The following CD163L1 variants were observed in gnomAD, a reference collection of about 807,000 sequenced individuals.
CD163L1 encodes scavenger receptor cysteine-rich type 1 protein M160.
A neutral mutation model predicts 165.4 loss-of-function variants in CD163L1; 124 were observed. The ratio of observed to expected loss-of-function variants is 0.75; its 90% confidence interval spans 0.65 to 0.87. CD163L1 has a LOEUF of 0.87. Ranked by LOEUF, CD163L1 falls within the 40% of genes least tolerant of loss-of-function variation. The probability of loss-of-function intolerance (pLI) is 0.00; values close to 1 mark genes in which losing one functional copy is unlikely to be tolerated. For synonymous variants in CD163L1, 585 were observed against 662.2 expected (o/e 0.88, Z 1.79); for missense variants, 1,525 against 1,799.9 (o/e 0.85, Z 2.76).
Position 7,369,745 on chromosome 12 carries a change from A to C in CD163L1, c.3731-80T>G. The stretch of plus-strand genomic sequence containing the variant: ...TGCTGAGGTAGAAAAACTTGAAAGT[A>C]GCAAATGTGCTTGATGAATATGGGT... On this transcript the variant is annotated intron_variant, in intron 14 of 19. Coordinates refer to ENST00000313599, the MANE Select transcript of CD163L1 (RefSeq NM_174941.6). This position sits in a 1 kb window ranked among gnomAD's most constrained non-coding sequence, Gnocchi z 4.9. 7.8e-7 allele frequency: 1 copy of C among 1,279,820 alleles called. No individual in the cohort carries two copies. Among genetic ancestry groups the C allele is most frequent in the Non-Finnish European group, 1.1e-6 (1 of 906,346 alleles). The allele number at this position is 1,279,820 out of a possible 1,614,324, so 79.3% of individuals were successfully genotyped here. A position where few individuals can be genotyped will look rare whatever the true frequency, so the allele number is the denominator to read the frequency against.
At chr12:7,360,244 G>T (rs1243286754) in intron 18 of CD163L1, among the ~76,000 whole-genome samples, 9 of 151,964 alleles carry the variant, frequency 5.9e-5, no homozygotes, top group African/African-American at 1.9e-4. Context: ...CCAAGTTCAA[G>T]CAATTCTCCT....
chr12:7,381,855 A>C (rs1053232311), intron 8 of CD163L1, among the ~76,000 whole-genome samples: 12 of 151,920 alleles, frequency 7.9e-5, no homozygotes, highest in Non-Finnish European at 1.5e-5. Context: ...TTGTAGCAAC[A>C]TATTCCACTC....
At chr12:7,407,784 CACACACACACACACACACACACAG>C (rs1269742770) in intron 4 of CD163L1, among the ~76,000 whole-genome samples, 3 of 116,084 alleles carry the variant, frequency 2.6e-5, no homozygotes, top group Non-Finnish European at 5.8e-5. Context: ...CACATCCATA[CACACACACACACACACACACACAG>C]ACACACACAC....
rs775061295 is a variant in CD163L1 at position 7,369,816 on chromosome 12, A to G, written c.3731-151T>C. 15 of 679,898 alleles carry G rather than the reference A, an allele frequency of 2.2e-5. No homozygotes were observed. Among genetic ancestry groups the G allele is most frequent in the African/African-American group, 7.2e-5 (4 of 55,598 alleles). The allele number at this position is 679,898 out of a possible 1,614,324, so 42.1% of individuals were successfully genotyped here. On this transcript the variant is annotated intron_variant, in intron 14 of 19. Coordinates refer to ENST00000313599, the MANE Select transcript of CD163L1 (RefSeq NM_174941.6). This position sits in a 1 kb window ranked among gnomAD's most constrained non-coding sequence, Gnocchi z 4.9. Reference sequence around the variant, plus strand: ...TCAATGTTACATAGATTAGACAAGAACCTGTGAAGTGAATAAACCCCTATA... The same window carrying G: ...TCAATGTTACATAGATTAGACAAGAGCCTGTGAAGTGAATAAACCCCTATA...
rs1947073691 is a variant in CD163L1 at position 7,368,685 on chromosome 12, C to T, written c.4072+248G>A. On this transcript the variant is annotated intron_variant, in intron 16 of 19. Coordinates refer to ENST00000313599, the MANE Select transcript of CD163L1 (RefSeq NM_174941.6). The surrounding 1 kb of genome is among the most constrained non-coding windows in gnomAD (Gnocchi z 4.3). ...AGTCTCATAAAGAATATTTGAGAATCTAGAAAGATTATCTATGAGGGTACC... is the reference window on the plus strand; with the variant it reads ...AGTCTCATAAAGAATATTTGAGAATTTAGAAAGATTATCTATGAGGGTACC... 6.6e-6 allele frequency among the ~76,000 whole-genome samples: 1 copy of T among 151,906 alleles called. No individual in the cohort carries two copies. The highest frequency in any genetic ancestry group is 1.5e-5 in the Non-Finnish European group (1 of 68,002).
chr12:7,439,997 C>T (rs2136653015), intron 2 of CD163L1: 2 of 1,528,394 alleles, frequency 1.3e-6, no homozygotes, highest in South Asian at 1.2e-5. Context: ...ATCCTAGCAG[C>T]TCCGCAAACC....
At chr12:7,332,727 A>G in the CD163L1 span, among the ~76,000 whole-genome samples, 1 of 152,220 alleles carries the variant, frequency 6.6e-6, no homozygotes, top group Non-Finnish European at 1.5e-5. Flanking sequence ...ACAGACAAGC[A>G]AGTGCTGAGA....
In CD163L1 at chr12:7,366,293, A is replaced by G. The variant is rs182883404; in HGVS notation, c.4279+943T>C. The stretch of plus-strand genomic sequence containing the variant: ...AGAGAGGTTGATTGAGTACAAATAT[A>G]CAATTGTAAGAAATAAAACCTAGTG... On this transcript the variant is annotated intron_variant, in intron 18 of 19. Transcript: ENST00000313599. Among the ~76,000 whole-genome samples the G allele has an allele frequency of 2.9e-3, 449 of 152,246 alleles. 3 individuals carry two copies. The highest frequency in any genetic ancestry group is 0.01 in the African/African-American group (435 of 41,574).
rs750826556 is a variant in CD163L1 at position 7,375,855 on chromosome 12, A to G, written c.2531T>C (p.Leu844Pro). The G allele has an allele frequency of 2.5e-6, 4 of 1,614,110 alleles. No homozygotes were observed. In the African/African-American group the frequency reaches 4.0e-5, roughly 16 times the overall value. The change falls in exon 10 of 20, where the codon CTT becomes CCT. Residue 844 changes from leucine to proline, a missense_variant. Transcript: ENST00000313599. Reference protein sequence around the residue: ...RELNCGDAISLSVGDHFGKGN... With the variant: ...RELNCGDAISPSVGDHFGKGN... ...TTTTCCAAAGTGATCTCCCACAGAAAGAGATATGGCATCTCCACAGTTTAA... is the reference window on the plus strand; with the variant it reads ...TTTTCCAAAGTGATCTCCCACAGAAGGAGATATGGCATCTCCACAGTTTAA...
chr12:7,330,602 G>A, the CD163L1 span, among the ~76,000 whole-genome samples: 1 of 152,178 alleles, frequency 6.6e-6, no homozygotes, highest in Non-Finnish European at 1.5e-5. Context: ...TTCCTTCAGA[G>A]ATAAAATTTC....
chr12:7,358,509 G>T (rs1347422951), intron 18 of CD163L1, among the ~76,000 whole-genome samples: 1 of 151,990 alleles, frequency 6.6e-6, no homozygotes, highest in African/African-American at 2.4e-5. Context: ...ACTCACTAGG[G>T]AGCCCCAATG....
At chr12:7,431,165 G>A (rs966765225) in intron 4 of CD163L1, among the ~76,000 whole-genome samples, 2 of 152,134 alleles carry the variant, frequency 1.3e-5, no homozygotes, top group African/African-American at 4.8e-5. Context: ...GCTCACGGCT[G>A]TAATCCCTGC....
the CD163L1 span, among the ~76,000 whole-genome samples, chr12:7,320,112 C>T: frequency 6.6e-6 from 1 of 152,088 alleles, no homozygotes; most frequent in African/African-American, 2.4e-5. Flanking sequence ...CATTAAGGGA[C>T]ATAGTGGAAC....
At chr12:7,321,473 G>A in the CD163L1 span, among the ~76,000 whole-genome samples, 2 of 152,224 alleles carry the variant, frequency 1.3e-5, no homozygotes. Flanking sequence ...GAGGGAAAGT[G>A]CTATGCGAGA....
At chr12:7,414,071 A>C (rs1948190854) in intron 4 of CD163L1, among the ~76,000 whole-genome samples, 1 of 152,180 alleles carries the variant, frequency 6.6e-6, no homozygotes, top group African/African-American at 2.4e-5. Context: ...GAATGAAGGA[A>C]ATATGGCACT....
the CD163L1 span, chr12:7,324,437 G>A: frequency 8.1e-6 from 13 of 1,613,742 alleles, no homozygotes; most frequent in African/African-American, 6.7e-5. Flanking sequence ...GTAACAATTC[G>A]ACAGGGAGGG....
At position 7,366,179 on chromosome 12, in the gene CD163L1, T is replaced by C. The variant is rs78935962; in HGVS notation, c.4279+1057A>G. Among the ~76,000 whole-genome samples the C allele has an allele frequency of 7.9e-4, 120 of 152,238 alleles. 2 individuals are homozygous for C. Among genetic ancestry groups the C allele is most frequent in the African/African-American group, 2.8e-3 (115 of 41,534 alleles). ...ACAAATATCCATGTTCTCATTCATA[T>C]GTGGGAGCTAAAAATGTTGATACCA... On this transcript the variant is annotated intron_variant, in intron 18 of 19. Coordinates refer to ENST00000313599, the MANE Select transcript of CD163L1 (RefSeq NM_174941.6).
chr12:7,358,410 C>A (rs1428113138), intron 18 of CD163L1, among the ~76,000 whole-genome samples: 1 of 151,900 alleles, frequency 6.6e-6, no homozygotes. Flanking sequence ...ATATTGTGTT[C>A]TTCTTAATGA....
chr12:7,426,147 T>C (rs1236012638), intron 4 of CD163L1, among the ~76,000 whole-genome samples: 7 of 152,144 alleles, frequency 4.6e-5, no homozygotes, highest in Non-Finnish European at 7.3e-5. Context: ...TGCAGGGACA[T>C]GGATGAAGCT....
Sources: gnomAD v4.1 joint callset for allele counts (sites outside exome capture counted in the v4.1 genomes callset) on GRCh38, gnomAD v4.1.1 for gene constraint, Gnocchi (gnomAD v3.1) non-coding constraint, MANE v1.5 for transcripts, NCBI Gene and HGNC (gene_info 2026-07-23, HGNC 2026-07-21) for gene names.